IL36RN: variants seen among roughly 807,000 people sequenced by gnomAD.
IL36RN encodes the protein interleukin-36 receptor antagonist protein.
Under a neutral mutation model 13.0 loss-of-function variants are expected in IL36RN, and 11 were observed. That is an observed-to-expected ratio of 0.85 (90% CI 0.53 to 1.40). The LOEUF (loss-of-function observed/expected upper bound fraction) is 1.40. IL36RN is among the 40% of genes most tolerant of loss of function. IL36RN has a pLI of 0.00. For missense variants in IL36RN, 195 were observed against 195.3 expected, an observed-to-expected ratio of 1.00 and a Z score of 0.01; for synonymous variants, 94 against 84.1, an observed-to-expected ratio of 1.12 and a Z score of -0.64.
intron 3 of IL36RN, 108 bp downstream of exon 3, chr2:113,061,045 C>T: frequency 5.8e-6 from 5 of 856,254 alleles, no homozygotes; most frequent in Non-Finnish European, 5.9e-6. Flanking sequence ...GCCTACAGAG[C>T]CCAGGCATTG....
At position 113,059,454 on chromosome 2, in the gene IL36RN, G is replaced by A. The variant is rs751575453; in HGVS notation, c.16G>A (p.Ala6Thr). 1.2e-6 allele frequency: 2 copies of A among 1,613,924 alleles called. No homozygotes were observed. Among genetic ancestry groups the A allele is most frequent in the Admixed American group, 1.7e-5 (1 of 60,020 alleles). Residue 6 changes from alanine (A) to threonine (T), a missense_variant, in exon 2 of 5, where the codon GCG becomes ACG. Physicochemically the swap from Ala to Thr is moderately conservative, Grantham distance 58. Coordinates refer to ENST00000393200, the MANE Select transcript of IL36RN (RefSeq NM_012275.3). The part of the protein sequence containing the change: MVLSG[A>T]LCFRMKDSAL... ...GGAGCTCAAGATGGTCCTGAGTGGG[G>A]CGCTGTGCTTCCGGTGAGTGTATGA...
rs534990435 is a variant in IL36RN, at chr2:113,059,290, C to G, written c.-28+49C>G. ...ACCGGAGCTCTCTCCTGACCCCAGACCCAGAATCTGCTCCGTGGAGGCTGT... is the reference window on the plus strand; with the variant it reads ...ACCGGAGCTCTCTCCTGACCCCAGAGCCAGAATCTGCTCCGTGGAGGCTGT... On this transcript the variant is annotated intron_variant, in intron 1 of 4. Coordinates refer to ENST00000393200, the MANE Select transcript of IL36RN (RefSeq NM_012275.3). 37 of 814,630 alleles carry G rather than the reference C, an allele frequency of 4.5e-5. No individual in the cohort carries two copies. In the African/African-American group the frequency reaches 5.7e-4, roughly 13 times the overall value. 50.5% of individuals were successfully genotyped at this position (814,630 alleles called of 1,614,324 possible).
Position 113,063,647 on chromosome 2 carries a change from A to T in IL36RN, c.*970A>T, listed in dbSNP as rs1168192595. 2 of 152,234 alleles carry T rather than the reference A, an allele frequency of 1.3e-5. No individual in the cohort carries two copies. The highest frequency in any genetic ancestry group is 3.8e-4 in the East Asian group (2 of 5,198). 9.4% of individuals were successfully genotyped at this position (152,234 alleles called of 1,614,324 possible). A position where few individuals can be genotyped will look rare whatever the true frequency, so the allele number is the denominator to read the frequency against. On this transcript the variant is annotated 3_prime_UTR_variant, in exon 5 of 5. Coordinates refer to ENST00000393200, the MANE Select transcript of IL36RN (RefSeq NM_012275.3). ...GTAGACATCATCTCTGATTGTCCTC[A>T]GCCTCCACTTCCCCAGAGTAAATTC...
At position 113,063,185 on chromosome 2, in the gene IL36RN, G is replaced by A. The variant is rs1011800928; in HGVS notation, c.*508G>A. 2 of 200,618 alleles carry A rather than the reference G, an allele frequency of 1.0e-5. No homozygotes were observed. The highest frequency in any genetic ancestry group is 4.6e-5 in the African/African-American group (2 of 43,174). 12.4% of individuals were successfully genotyped at this position (200,618 alleles called of 1,614,324 possible). A position where few individuals can be genotyped will look rare whatever the true frequency, so the allele number is the denominator to read the frequency against. ...CCCTTTAATCCTGCCACTGTCATAT[G>A]CTACCTTTCCTATCTCTTCCCTCAT... is the stretch of plus-strand genomic sequence containing the variant. On this transcript the variant is annotated 3_prime_UTR_variant, in exon 5 of 5. Transcript: ENST00000393200.
intron 2 of IL36RN, 96 bp from the exon 3 acceptor site, chr2:113,060,756 C>T: frequency 2.3e-6 from 2 of 851,952 alleles, no homozygotes; most frequent in South Asian, 2.8e-5. Context: ...GAAAGAGAGA[C>T]AAAATGCCTG....
At chr2:113,059,180 A>T (rs1685587862), upstream of IL36RN, 39 of 561,176 alleles carry the variant, frequency 6.9e-5, no homozygotes, top group South Asian at 7.8e-4. Context: ...TAAAAGGCTG[A>T]GGCATCCTTG....
Position 113,060,923 on chromosome 2 carries a change from G to A in IL36RN, c.101G>A (p.Gly34Glu), listed in dbSNP as rs1573386377. 2 of 1,613,894 alleles carry A rather than the reference G, an allele frequency of 1.2e-6. No homozygotes were observed. Among genetic ancestry groups the A allele is most frequent in the African/African-American group, 1.3e-5 (1 of 75,040 alleles). Reference sequence around the variant, plus strand: ...CTTCTAGCTGGAGGGCTGCATGCAGGGAAGGTCATTAAAGGTTGGTGATGA... The same window carrying A: ...CTTCTAGCTGGAGGGCTGCATGCAGAGAAGGTCATTAAAGGTTGGTGATGA... Reference protein sequence around the residue: ...NQLLAGGLHAGKVIKGEEISV... With the variant: ...NQLLAGGLHAEKVIKGEEISV... Residue 34 changes from glycine to glutamate, a missense_variant, in exon 3 of 5, where the codon GGG (glycine) becomes GAG (glutamate). Transcript: ENST00000393200.
chr2:113,062,457 T>G lies in IL36RN; in HGVS notation c.248T>G (p.Val83Gly). The G allele has an allele frequency of 6.2e-7, 1 of 1,614,038 alleles. No homozygotes were observed. Among genetic ancestry groups the G allele is most frequent in the Non-Finnish European group, 8.5e-7 (1 of 1,179,982 alleles). Reference protein sequence around the residue: ...GQEPTLTLEPVNIMELYLGAK... With the variant: ...GQEPTLTLEPGNIMELYLGAK... The stretch of plus-strand genomic sequence containing the variant: ...CCTCCCCTCCTCTGCCGGCAGCCAG[T>G]GAACATCATGGAGCTCTATCTTGGT... Residue 83 changes from valine (V) to glycine (G), a missense_variant, in exon 5 of 5, where the codon GTG becomes GGG. Val to Gly is a moderately radical substitution (Grantham distance 109, BLOSUM62 -3). Coordinates refer to ENST00000393200, the MANE Select transcript of IL36RN (RefSeq NM_012275.3).
intron 3 of IL36RN, 116 bp downstream of exon 3, chr2:113,061,053 T>G (rs1010497450): frequency 1.2e-6 from 1 of 813,944 alleles, no homozygotes; most frequent in African/African-American, 1.7e-5. Flanking sequence ...AGCCCAGGCA[T>G]TGGGGCAGCA....
At position 113,064,174 on chromosome 2, in the gene IL36RN, G is replaced by C. The variant is rs1685697455; in HGVS notation, c.*1497G>C. On this transcript the variant is annotated 3_prime_UTR_variant, in exon 5 of 5. Coordinates refer to ENST00000393200, the MANE Select transcript of IL36RN (RefSeq NM_012275.3). ...TGTGGCAACCATCAGAAGCTTGGAA[G>C]AGGCAAAGAAGAATTCTTCCCTAGA... 6.6e-6 allele frequency: 1 copy of C among 152,176 alleles called. No individual in the cohort carries two copies. The highest frequency in any genetic ancestry group is 6.5e-5 in the Admixed American group (1 of 15,286). The allele number at this position is 152,176 out of a possible 1,614,324, so 9.4% of individuals were successfully genotyped here.
Position 113,063,902 on chromosome 2 carries a change from G to T in IL36RN, c.*1225G>T, listed in dbSNP as rs1318598501. ...AGAAGGCTGCTGTACTGGTTGAATTGTGTCCCCCTCAAATTCACATCCTTC... is the reference window on the plus strand; with the variant it reads ...AGAAGGCTGCTGTACTGGTTGAATTTTGTCCCCCTCAAATTCACATCCTTC... On this transcript the variant is annotated 3_prime_UTR_variant, in exon 5 of 5. Coordinates refer to ENST00000393200, the MANE Select transcript of IL36RN (RefSeq NM_012275.3). 1 of 152,194 alleles carries T rather than the reference G, an allele frequency of 6.6e-6. No individual in the cohort carries two copies. The highest frequency in any genetic ancestry group is 6.5e-5 in the Admixed American group (1 of 15,280). 9.4% of individuals were successfully genotyped at this position (152,194 alleles called of 1,614,324 possible). A position where few individuals can be genotyped will look rare whatever the true frequency, so the allele number is the denominator to read the frequency against.
chr2:113,059,577 A>T, intron 2 of IL36RN, 110 bp downstream of exon 2: 1 of 1,280,426 alleles, frequency 7.8e-7, no homozygotes, highest in Non-Finnish European at 1.1e-6. Flanking sequence ...CTGCCATTGC[A>T]GCTGGGAAAT....
chr2:113,060,975 A>G (rs1201288381), intron 3 of IL36RN, 38 bp downstream of exon 3: 5 of 1,488,496 alleles, frequency 3.4e-6, no homozygotes, highest in Non-Finnish European at 4.7e-6. Context: ...CTTGGTCTCT[A>G]TACACTCTCA....
At chr2:113,060,110 G>A (rs1053493024) in intron 2 of IL36RN, among the ~76,000 whole-genome samples, 1 of 143,854 alleles carries the variant, frequency 7.0e-6, no homozygotes, top group East Asian at 2.2e-4. Context: ...CCTCTCATAA[G>A]AGAACCACAG....
In IL36RN at chr2:113,060,874, G is replaced by T. The variant is rs545673991; in HGVS notation, c.52G>T (p.Val18Leu). ...CAGAATGAAGGACTCGGCATTGAAG[G>T]TGCTTTATCTGCATAATAACCAGCT... Reference protein sequence around the residue: ...CFRMKDSALKVLYLHNNQLLA... With the variant: ...CFRMKDSALKLLYLHNNQLLA... Residue 18 changes from valine (V) to leucine (L), a missense_variant, in exon 3 of 5, where the codon GTG (valine) becomes TTG (leucine). By Grantham distance (32) the Val-to-Leu change is conservative. Transcript: ENST00000393200. 4 of 1,614,086 alleles carry T rather than the reference G, an allele frequency of 2.5e-6. No homozygotes were observed. The highest frequency in any genetic ancestry group is 4.5e-5 in the East Asian group (2 of 44,880).
chr2:113,060,619 G>A (rs1685622589), intron 2 of IL36RN, among the ~76,000 whole-genome samples: 1 of 152,208 alleles, frequency 6.6e-6, no homozygotes, highest in Non-Finnish European at 1.5e-5. Context: ...GGGCAGAAAA[G>A]GTTGAATAGG....
At chr2:113,061,732 G>A (rs752885641) in intron 3 of IL36RN, among the ~76,000 whole-genome samples, 9 of 152,164 alleles carry the variant, frequency 5.9e-5, no homozygotes, top group Non-Finnish European at 1.2e-4. Flanking sequence ...AGAGAGGAAT[G>A]AGACCCTCTT....
In IL36RN at chr2:113,062,590, C is replaced by T. The variant is rs760489144; in HGVS notation, c.381C>T (p.Ala127=). The T allele has an allele frequency of 5.1e-5, 82 of 1,613,722 alleles. 2 individuals carry two copies. In the South Asian group the frequency reaches 7.2e-4, roughly 14 times the overall value. Residue 127 remains alanine, a synonymous_variant, in exon 5 of 5, where the codon GCC becomes GCT. Coordinates refer to ENST00000393200, the MANE Select transcript of IL36RN (RefSeq NM_012275.3). ...PGWFLCTVPE[A]DQPVRLTQLP... is the part of the protein sequence containing the mutation. Reference sequence around the variant, plus strand: ...GGTTCCTGTGCACGGTGCCTGAAGCCGATCAGCCTGTCAGACTCACCCAGC... The same window carrying T: ...GGTTCCTGTGCACGGTGCCTGAAGCTGATCAGCCTGTCAGACTCACCCAGC...
At chr2:113,060,772 AG>A in intron 2 of IL36RN, 79 bp from the exon 3 acceptor site, 2 of 960,170 alleles carry the variant, frequency 2.1e-6, no homozygotes, top group Non-Finnish European at 1.7e-6. Context: ...GCCTGAGATC[AG>A]GGGGTTCTCT....
Sources: allele counts gnomAD v4.1 joint callset (sites outside exome capture counted in the v4.1 genomes callset), GRCh38; gene constraint gnomAD v4.1.1; transcripts MANE v1.5; gene names NCBI Gene and HGNC (gene_info 2026-07-23, HGNC 2026-07-21).